The following CCDC171 variants were observed in gnomAD, a reference collection of about 807,000 sequenced individuals.
CCDC171 encodes the protein coiled-coil domain-containing protein 171.
Under a neutral mutation model 168.2 loss-of-function variants are expected in CCDC171, and 177 were observed. The observed-to-expected ratio is 1.05, with a 90% CI of 0.93 to 1.19. CCDC171 has a LOEUF of 1.19. Among genes scored for constraint, CCDC171 ranks in the 50% most tolerant of loss-of-function variants. The pLI is 0.00. For missense variants in CCDC171, 1,991 were observed against 1,539.0 expected, an observed-to-expected ratio of 1.29 and a Z score of -4.91; for synonymous variants, 687 against 540.8, an observed-to-expected ratio of 1.27 and a Z score of -3.75.
chr9:15,779,084 T>A lies in CCDC171; in HGVS notation c.3015T>A (p.Asn1005Lys). The change falls in exon 20 of 26, where the codon AAT becomes AAA. Residue 1005 changes from asparagine (N) to lysine (K), a missense_variant. Physicochemically the swap from Asn to Lys is moderately conservative, Grantham distance 94. Coordinates refer to ENST00000380701, the MANE Select transcript of CCDC171 (RefSeq NM_173550.4). ...LEVTEFKRSV[N>K]EMKKELDKAQ... The stretch of plus-strand genomic sequence containing the variant: ...TCACAGAATTCAAACGAAGTGTGAA[T>A]GAAATGAAAAAGGAGCTTGACAAAG... 6.2e-7 allele frequency: 1 copy of A among 1,603,924 alleles called. No homozygotes were observed. The highest frequency in any genetic ancestry group is 8.5e-7 in the Non-Finnish European group (1 of 1,175,654).
chr9:15,977,991 A>C (rs1430384006), downstream of CCDC171, among the ~76,000 whole-genome samples: 3 of 150,532 alleles, frequency 2.0e-5, no homozygotes, highest in Non-Finnish European at 2.9e-5. Context: ...TTTTCTTCAA[A>C]CAGTAACCAA....
At chr9:15,947,816 T>G (rs927889311) in intron 25 of CCDC171, among the ~76,000 whole-genome samples, 1 of 149,852 alleles carries the variant, frequency 6.7e-6, no homozygotes, top group Admixed American at 6.6e-5. Context: ...TTTTTTTTAA[T>G]TTTTTTATTT....
intron 23 of CCDC171, among the ~76,000 whole-genome samples, chr9:15,857,902 C>G (rs1206156729): frequency 6.6e-6 from 1 of 151,720 alleles, no homozygotes; most frequent in Non-Finnish European, 1.5e-5. Flanking sequence ...GTTTCTCTGC[C>G]AATACCATAC....
chr9:15,890,601 G>A (rs1184284323), intron 24 of CCDC171, among the ~76,000 whole-genome samples: 1 of 149,956 alleles, frequency 6.7e-6, no homozygotes, highest in Non-Finnish European at 1.5e-5. Flanking sequence ...AGAATTTCAT[G>A]GCACTCTTAT....
rs139449114 is a variant in CCDC171 at position 15,860,433 on chromosome 9, G to A, written c.3468+11486G>A. ...TTCCCCTTACTACTGCTTTCACTGA[G>A]TCTCTTAAGTTTTGATATGTTGTAT... On this transcript the variant is annotated intron_variant, in intron 23 of 25. Transcript: ENST00000380701. Among the ~76,000 whole-genome samples the A allele has an allele frequency of 9.2e-5, 14 of 151,440 alleles. No homozygotes were observed. In the East Asian group the frequency reaches 2.7e-3, roughly 30 times the overall value.
Position 15,591,525 on chromosome 9 carries a change from A to G in CCDC171, c.512A>G (p.Lys171Arg). The G allele has an allele frequency of 6.3e-7, 1 of 1,588,120 alleles. No homozygotes were observed. Among genetic ancestry groups the G allele is most frequent in the Non-Finnish European group, 8.5e-7 (1 of 1,169,676 alleles). The change falls in exon 5 of 26, where the codon AAA (lysine) becomes AGA (arginine). Residue 171 changes from lysine to arginine, a missense_variant. Coordinates refer to ENST00000380701, the MANE Select transcript of CCDC171 (RefSeq NM_173550.4). The stretch of plus-strand genomic sequence containing the variant: ...AATCGAGAATATGATTTACTTATGA[A>G]AGAAAAAAGCAGACTAGAGAAAACT... The part of the protein sequence containing the change: ...NCNREYDLLM[K>R]EKSRLEKTLQ...
At chr9:15,959,707 G>C (rs1229116223) in intron 25 of CCDC171, among the ~76,000 whole-genome samples, 2 of 152,054 alleles carry the variant, frequency 1.3e-5, no homozygotes, top group South Asian at 2.1e-4. Context: ...AGTTGGAGAA[G>C]GACTAGTGGA....
At chr9:15,625,457 A>G (rs1388590608) in intron 7 of CCDC171, among the ~76,000 whole-genome samples, 2 of 152,134 alleles carry the variant, frequency 1.3e-5, no homozygotes, top group Non-Finnish European at 2.9e-5. Flanking sequence ...TAGGTCTAAC[A>G]TTTAAGTCTT....
chr9:15,749,929 C>G (rs201289847), intron 18 of CCDC171, among the ~76,000 whole-genome samples: 1 of 151,512 alleles, frequency 6.6e-6, no homozygotes, highest in Non-Finnish European at 1.5e-5. Flanking sequence ...AGCAAGAGCA[C>G]ACAGATTCAA....
At chr9:16,067,385 G>A in the CCDC171 span, among the ~76,000 whole-genome samples, 36 of 152,206 alleles carry the variant, frequency 2.4e-4, no homozygotes, top group African/African-American at 6.3e-4. Context: ...TGAGTAGGTC[G>A]CGAAAATTGT....
chr9:15,793,852 C>T (rs1024931076), intron 21 of CCDC171, among the ~76,000 whole-genome samples: 6 of 152,010 alleles, frequency 3.9e-5, no homozygotes, highest in African/African-American at 9.7e-5. Flanking sequence ...ATCTTATATG[C>T]AGCCACATTG....
intron 2 of CCDC171, among the ~76,000 whole-genome samples, chr9:15,569,783 C>T (rs1016765999): frequency 6.6e-6 from 1 of 150,870 alleles, no homozygotes; most frequent in Non-Finnish European, 1.5e-5. Flanking sequence ...CCACTGCACT[C>T]CAGCCTGGGC....
At chr9:15,988,262 A>C (rs1191517681) in intron 3 of CCDC171, among the ~76,000 whole-genome samples, 1 of 151,964 alleles carries the variant, frequency 6.6e-6, no homozygotes, top group Admixed American at 6.5e-5. Flanking sequence ...AGGCTACTGT[A>C]CACTGTATTT....
intron 1 of CCDC171, among the ~76,000 whole-genome samples, chr9:16,049,746 G>A (rs1833720501): frequency 6.6e-6 from 1 of 152,094 alleles, no homozygotes; most frequent in Non-Finnish European, 1.5e-5. Flanking sequence ...GGGTTTTTCA[G>A]CCTCCGTAAT....
At chr9:15,853,167 G>A (rs2061206931) in intron 23 of CCDC171, among the ~76,000 whole-genome samples, 1 of 151,578 alleles carries the variant, frequency 6.6e-6, no homozygotes, top group East Asian at 1.9e-4. Flanking sequence ...AATTTGGGGA[G>A]TATTGTCATC....
At chr9:15,836,300 T>A (rs2060447201) in intron 21 of CCDC171, among the ~76,000 whole-genome samples, 1 of 152,180 alleles carries the variant, frequency 6.6e-6, no homozygotes, top group Admixed American at 6.5e-5. Context: ...CCATACCCCA[T>A]GATTGAGGCT....
At chr9:15,605,652 A>C (rs1481988427) in intron 6 of CCDC171, among the ~76,000 whole-genome samples, 1 of 148,732 alleles carries the variant, frequency 6.7e-6, no homozygotes, top group Non-Finnish European at 1.5e-5. Context: ...GCACCACTGC[A>C]CTCCAGCCTG....
At chr9:16,051,706 A>G (rs1833753193) in intron 1 of CCDC171, among the ~76,000 whole-genome samples, 1 of 152,280 alleles carries the variant, frequency 6.6e-6, no homozygotes, top group South Asian at 2.1e-4. Flanking sequence ...TAACCACTAC[A>G]CTGTCCTCAT....
At position 15,579,750 on chromosome 9, in the gene CCDC171, C is replaced by T. The variant is rs1587111143; in HGVS notation, c.352+727C>T. 2.0e-5 allele frequency among the ~76,000 whole-genome samples: 3 copies of T among 152,124 alleles called. No individual in the cohort carries two copies. The East Asian group carries it at 5.8e-4, about 29-fold the overall frequency. On this transcript the variant is annotated intron_variant, in intron 4 of 25. Transcript: ENST00000380701. The stretch of plus-strand genomic sequence containing the variant: ...TCATAAAGTATATATTCTTTTTTTT[C>T]TGGCTTTTTTCCTCCAACATTATGT...
Sources: allele counts gnomAD v4.1 joint callset (sites outside exome capture counted in the v4.1 genomes callset), GRCh38; gene constraint gnomAD v4.1.1; transcripts MANE v1.5; gene names NCBI Gene and HGNC (gene_info 2026-07-23, HGNC 2026-07-21).